Variants in CEP85L observed in about 807,000 individuals in gnomAD.
The protein encoded by CEP85L is centrosomal protein of 85 kDa-like.
Under a neutral mutation model 100.3 loss-of-function variants are expected in CEP85L, and 60 were observed. The observed-to-expected ratio is 0.60, with a 90% CI of 0.49 to 0.74. CEP85L has a LOEUF of 0.74. Among genes scored for constraint, CEP85L ranks in the 30% least tolerant of loss-of-function variants. The pLI, the probability that CEP85L is intolerant of heterozygous loss-of-function variation, is 0.00. For missense variants in CEP85L, 973 were observed against 936.2 expected (o/e 1.04, Z -0.51); for synonymous variants, 319 against 322.7 (o/e 0.99, Z 0.12).
At position 118,465,390 on chromosome 6, in the gene CEP85L, G is replaced by T; in HGVS notation, c.*15C>A. 1 of 1,609,058 alleles carries T rather than the reference G, an allele frequency of 6.2e-7. No individual in the cohort carries two copies. Among genetic ancestry groups the T allele is most frequent in the South Asian group, 1.1e-5 (1 of 90,542 alleles). On this transcript the variant is annotated 3_prime_UTR_variant, in exon 13 of 13. Transcript: ENST00000368491. Reference sequence around the variant, plus strand: ...TTAAACAACAGGTCATTATTGCTGTGGGACTAACACTTGATCACTGAGTAA... The same window carrying T: ...TTAAACAACAGGTCATTATTGCTGTTGGACTAACACTTGATCACTGAGTAA...
At chr6:118,529,180 T>C (rs968996977) in intron 3 of CEP85L, among the ~76,000 whole-genome samples, 3 of 152,368 alleles carry the variant, frequency 2.0e-5, no homozygotes, top group South Asian at 2.1e-4. Context: ...AGAGAAGTTA[T>C]TCAAAAACTG....
intron 2 of CEP85L, among the ~76,000 whole-genome samples, chr6:118,611,024 T>C (rs1026596519): frequency 7.2e-5 from 11 of 152,094 alleles, no homozygotes; most frequent in African/African-American, 2.4e-4. Flanking sequence ...AGAATGACTA[T>C]TGGAGGTTCT....
chr6:118,634,227 A>C (rs561883033), intron 1 of CEP85L, among the ~76,000 whole-genome samples: 1 of 143,886 alleles, frequency 6.9e-6, no homozygotes, highest in African/African-American at 2.6e-5. Context: ...CAAAACAACA[A>C]ACGTGCATAA....
chr6:118,491,427 G>T, intron 6 of CEP85L: 1 of 1,142,370 alleles, frequency 8.8e-7, no homozygotes. Context: ...AAGGAGAACA[G>T]TTATTTGGTG....
intron 2 of CEP85L, among the ~76,000 whole-genome samples, chr6:118,621,682 C>A (rs1343901193): frequency 1.3e-5 from 2 of 152,204 alleles, no homozygotes; most frequent in Non-Finnish European, 1.5e-5. Context: ...GCTCTGCCAA[C>A]AACAAATTAA....
At chr6:118,572,800 GC>G (rs1225040726) in intron 2 of CEP85L, among the ~76,000 whole-genome samples, 2 of 152,136 alleles carry the variant, frequency 1.3e-5, no homozygotes, top group Non-Finnish European at 2.9e-5. Flanking sequence ...GGTGGCTCAC[GC>G]CTGTAATCCC....
chr6:118,469,815 T>C (rs1772809004), intron 11 of CEP85L, among the ~76,000 whole-genome samples: 1 of 152,102 alleles, frequency 6.6e-6, no homozygotes. Context: ...TTGCCTAAGC[T>C]GGTCTCAAAC....
At chr6:118,480,337 T>C in intron 9 of CEP85L, 59 bp downstream of exon 9, 1 of 828,994 alleles carries the variant, frequency 1.2e-6, no homozygotes, top group Non-Finnish European at 2.0e-6. Flanking sequence ...ATTATGTATC[T>C]ATACACACAT....
At chr6:118,608,494 CAAA>C (rs879712879) in intron 2 of CEP85L, among the ~76,000 whole-genome samples, 1 of 134,522 alleles carries the variant, frequency 7.4e-6, no homozygotes, top group Non-Finnish European at 1.6e-5. Context: ...GATTCCATCT[CAAA>C]AAAAAAAAAG....
At chr6:118,612,724 A>C (rs1396678322) in intron 2 of CEP85L, among the ~76,000 whole-genome samples, 1 of 150,134 alleles carries the variant, frequency 6.7e-6, no homozygotes, top group Non-Finnish European at 1.5e-5. Context: ...ATCTGCTAAC[A>C]AGAACCTAGA....
At chr6:118,571,151 C>A (rs1357501442) in intron 2 of CEP85L, among the ~76,000 whole-genome samples, 1 of 152,024 alleles carries the variant, frequency 6.6e-6, no homozygotes, top group Non-Finnish European at 1.5e-5. Context: ...AATTTCAACA[C>A]TTAAAAATGT....
At chr6:118,472,652 C>T (rs149860831) in intron 10 of CEP85L, among the ~76,000 whole-genome samples, 159 of 152,204 alleles carry the variant, frequency 1.0e-3, no homozygotes, top group African/African-American at 3.7e-3. Context: ...AATATACTTG[C>T]TCAAACTGGT....
At chr6:118,623,516 C>T (rs2115285621) in intron 2 of CEP85L, among the ~76,000 whole-genome samples, 1 of 152,274 alleles carries the variant, frequency 6.6e-6, no homozygotes, top group South Asian at 2.1e-4. Flanking sequence ...ACTAGGAATA[C>T]AATATCACCT....
rs1035616806 is a variant in CEP85L, at chr6:118,644,982, A to G, written c.73+6215T>C. 1.1e-4 allele frequency among the ~76,000 whole-genome samples: 17 copies of G among 152,210 alleles called. No homozygotes were observed. The East Asian group carries it at 2.1e-3, about 19-fold the overall frequency. ...GTATCTGCCTCATAGTAGGCACTCA[A>G]TGTGCTCAGGAGTGAAAGAATGAAG... On this transcript the variant is annotated intron_variant, in intron 1 of 12. Coordinates refer to ENST00000368491, the MANE Select transcript of CEP85L (RefSeq NM_001042475.3).
At chr6:118,530,933 A>G (rs1240301337) in intron 3 of CEP85L, among the ~76,000 whole-genome samples, 1 of 152,168 alleles carries the variant, frequency 6.6e-6, no homozygotes, top group Non-Finnish European at 1.5e-5. Context: ...TCATACTGCC[A>G]AAAGCAATTT....
rs546394500 is a variant in CEP85L at position 118,461,638 on chromosome 6, C to T, written c.*3767G>A. ...AAGAAAAAAAATCCAAAATCTTTCC[C>T]ATACATGATTAAATATATGATATAA... On this transcript the variant is annotated 3_prime_UTR_variant, in exon 13 of 13. Coordinates refer to ENST00000368491, the MANE Select transcript of CEP85L (RefSeq NM_001042475.3). The T allele has an allele frequency of 5.9e-5, 9 of 151,786 alleles. No homozygotes were observed. Among genetic ancestry groups the T allele is most frequent in the Non-Finnish European group, 1.0e-4 (7 of 67,852 alleles). 9.4% of individuals were successfully genotyped at this position (151,786 alleles called of 1,614,324 possible). A position where few individuals can be genotyped will look rare whatever the true frequency, so the allele number is the denominator to read the frequency against.
At chr6:118,600,074 TATAA>T (rs77296465) in intron 2 of CEP85L, among the ~76,000 whole-genome samples, 24,858 of 151,976 alleles carry the variant, frequency 0.16, 2,136 homozygotes, top group Non-Finnish European at 0.19. Flanking sequence ...TCCACATTGA[TATAA>T]ATAAACAATT....
chr6:118,571,526 T>TA lies in CEP85L; in HGVS notation c.233-5211dup, dbSNP rs549632129. Among the ~76,000 whole-genome samples the TA allele has an allele frequency of 3.5e-3, 530 of 152,360 alleles. 5 individuals are homozygous for TA. Among genetic ancestry groups the TA allele is most frequent in the African/African-American group, 0.012 (510 of 41,584 alleles). On this transcript the variant is annotated intron_variant, in intron 2 of 12. Transcript: ENST00000368491. ...CCAATCTTCTGTTTCGCTATCATGT[T>TA]ATTCTCATCTGGTATTAAATGAAAA...
chr6:118,651,094 G>C, intron 1 of CEP85L, 103 bp downstream of exon 1: 2 of 1,392,912 alleles, frequency 1.4e-6, no homozygotes, highest in Non-Finnish European at 1.8e-6. Context: ...GAGGCGGCCG[G>C]GGTAAGACAG....
Sources: allele counts gnomAD v4.1 joint callset (sites outside exome capture counted in the v4.1 genomes callset), GRCh38; gene constraint gnomAD v4.1.1; transcripts MANE v1.5; gene names NCBI Gene and HGNC (gene_info 2026-07-23, HGNC 2026-07-21).